AXDND1: variants seen among roughly 807,000 people sequenced by gnomAD.
The protein encoded by AXDND1 is axonemal dynein light chain domain-containing protein 1.
AXDND1 carries 110 observed loss-of-function variants against 137.5 expected under a neutral mutation model. That is an observed-to-expected ratio of 0.80 (90% confidence interval 0.69 to 0.94). The LOEUF is 0.94. Among genes scored for constraint, AXDND1 ranks in the 40% least tolerant of loss-of-function variants. The pLI is 0.00. For missense variants in AXDND1, 1,191 were observed against 1,169.8 expected (o/e 1.02, Z -0.26); for synonymous variants, 414 against 399.7 (o/e 1.04, Z -0.43).
At chr1:179,371,287 G>A (rs1223101461) in intron 4 of AXDND1, among the ~76,000 whole-genome samples, 2 of 152,188 alleles carry the variant, frequency 1.3e-5, no homozygotes, top group South Asian at 4.2e-4. Context: ...AATTAGCCAG[G>A]CGTGGTGGCG....
At chr1:179,367,901 C>G (rs1340266487) in intron 2 of AXDND1, among the ~76,000 whole-genome samples, 5 of 151,988 alleles carry the variant, frequency 3.3e-5, no homozygotes, top group Non-Finnish European at 7.4e-5. Context: ...TAGTGTTATC[C>G]TTACCCGGTT....
chr1:179,367,376 G>A (rs1157270464), intron 2 of AXDND1, among the ~76,000 whole-genome samples: 2 of 151,568 alleles, frequency 1.3e-5, no homozygotes, highest in African/African-American at 4.9e-5. Flanking sequence ...TAGGGGGGGC[G>A]TGGTGGCTCG....
chr1:179,549,713 C>G (rs771644136), intron 25 of AXDND1, among the ~76,000 whole-genome samples: 1 of 152,048 alleles, frequency 6.6e-6, no homozygotes, highest in African/African-American at 2.4e-5. Flanking sequence ...GAAAAGTGAC[C>G]AACAACCCTC....
intron 12 of AXDND1, among the ~76,000 whole-genome samples, chr1:179,424,594 A>C (rs561414352): frequency 6.6e-6 from 1 of 151,568 alleles, no homozygotes; most frequent in Non-Finnish European, 1.5e-5. Flanking sequence ...GGCCTGGCTA[A>C]TTTTTTTGTA....
intron 12 of AXDND1, among the ~76,000 whole-genome samples, chr1:179,421,869 C>A (rs1196642791): frequency 3.3e-5 from 5 of 151,672 alleles, no homozygotes; most frequent in Non-Finnish European, 5.9e-5. Flanking sequence ...AAAACTCTGT[C>A]TCTACTAAAA....
intron 17 of AXDND1, among the ~76,000 whole-genome samples, chr1:179,482,603 A>T (rs1665553062): frequency 6.6e-6 from 1 of 152,132 alleles, no homozygotes; most frequent in Non-Finnish European, 1.5e-5. Context: ...AATACCATAG[A>T]TTATTGCCTT....
chr1:179,365,755 G>C (rs1457361499), upstream of AXDND1: 1 of 152,474 alleles, frequency 6.6e-6, no homozygotes, highest in African/African-American at 2.4e-5. Context: ...CCCGGCGTGA[G>C]ACACTTTCGG....
At chr1:179,391,509 TTTTA>T (rs928117591) in intron 9 of AXDND1, among the ~76,000 whole-genome samples, 33 of 150,228 alleles carry the variant, frequency 2.2e-4, no homozygotes, top group South Asian at 8.4e-4. Context: ...GATCTGATGA[TTTTA>T]TTTATTTATT....
intron 15 of AXDND1, among the ~76,000 whole-genome samples, chr1:179,434,371 T>C (rs1657828658): frequency 6.6e-6 from 1 of 152,068 alleles, no homozygotes; most frequent in African/African-American, 2.4e-5. Context: ...ATCATCCTGA[T>C]ACCAAAACCT....
intron 7 of AXDND1, 60 bp from the exon 8 acceptor site, chr1:179,383,382 C>T (rs966764648): frequency 4.0e-6 from 5 of 1,250,644 alleles, no homozygotes; most frequent in Non-Finnish European, 5.8e-6. Context: ...ATTCTTTTTG[C>T]CATTTGAGAA....
chr1:179,436,183 T>C (rs1658124441), intron 15 of AXDND1, among the ~76,000 whole-genome samples: 1 of 152,132 alleles, frequency 6.6e-6, no homozygotes, highest in African/African-American at 2.4e-5. Flanking sequence ...TATTAAAAAG[T>C]CAAGAACCAA....
chr1:179,471,476 T>C (rs868815598), intron 17 of AXDND1, among the ~76,000 whole-genome samples: 2 of 152,230 alleles, frequency 1.3e-5, no homozygotes, highest in South Asian at 2.1e-4. Flanking sequence ...ATCCAAGTTA[T>C]CTGATTTGTT....
chr1:179,419,026 G>A (rs1030783857), intron 12 of AXDND1, among the ~76,000 whole-genome samples: 37 of 151,728 alleles, frequency 2.4e-4, no homozygotes, highest in Non-Finnish European at 4.1e-4. Flanking sequence ...ATGGGCGGCC[G>A]GACAGAGACG....
intron 2 of AXDND1, among the ~76,000 whole-genome samples, chr1:179,368,421 T>C (rs943159389): frequency 6.6e-6 from 1 of 152,102 alleles, no homozygotes; most frequent in African/African-American, 2.4e-5. Context: ...TTTGACAGCT[T>C]GGGGGGAGAG....
intron 16 of AXDND1, among the ~76,000 whole-genome samples, chr1:179,447,363 TC>T (rs1659888859): frequency 6.6e-6 from 1 of 152,250 alleles, no homozygotes; most frequent in Admixed American, 6.5e-5. Flanking sequence ...AACCTCCAGT[TC>T]CATCCATGTT....
intron 12 of AXDND1, among the ~76,000 whole-genome samples, chr1:179,416,066 AT>A (rs1344370952): frequency 6.6e-6 from 1 of 152,142 alleles, no homozygotes; most frequent in Middle Eastern, 3.2e-3. Flanking sequence ...ACTTGTACCC[AT>A]TAATCAACCT....
intron 11 of AXDND1, among the ~76,000 whole-genome samples, chr1:179,396,189 A>G (rs957332967): frequency 7.2e-5 from 11 of 151,762 alleles, no homozygotes; most frequent in Non-Finnish European, 8.8e-5. Flanking sequence ...AAAAAAAAAA[A>G]AAGAAAAATA....
intron 16 of AXDND1, among the ~76,000 whole-genome samples, chr1:179,461,576 A>T (rs2125445567): frequency 6.6e-6 from 1 of 152,282 alleles, no homozygotes; most frequent in East Asian, 1.9e-4. Context: ...AGTTTTTTCC[A>T]ATTCTGTGAA....
chr1:179,426,097 A>T (rs147901847), intron 12 of AXDND1, among the ~76,000 whole-genome samples: 50 of 152,256 alleles, frequency 3.3e-4, no homozygotes, highest in Admixed American at 1.4e-3. Context: ...GACCTCCCAA[A>T]GTGCTGGGAT....
Sources: allele counts gnomAD v4.1 joint callset (sites outside exome capture counted in the v4.1 genomes callset), GRCh38; gene constraint gnomAD v4.1.1; transcripts MANE v1.5; gene names NCBI Gene and HGNC (gene_info 2026-07-23, HGNC 2026-07-21).